SLC47A2: variants seen among roughly 807,000 people sequenced by gnomAD.
SLC47A2 encodes solute carrier family 47 member 2.
Under a neutral mutation model 67.7 loss-of-function variants are expected in SLC47A2, and 52 were observed. The ratio of observed to expected loss-of-function variants is 0.77; its 90% CI spans 0.61 to 0.97. The LOEUF (loss-of-function observed/expected upper bound fraction) is 0.97. SLC47A2 is among the 50% of genes least tolerant of loss of function. SLC47A2 has a pLI of 0.00. For missense variants in SLC47A2, 676 were observed against 712.3 expected (o/e 0.95, Z 0.58); for synonymous variants, 278 against 292.9 (o/e 0.95, Z 0.52).
At chr17:19,698,581 C>G (rs1347342300) in intron 13 of SLC47A2, among the ~76,000 whole-genome samples, 1 of 152,148 alleles carries the variant, frequency 6.6e-6, no homozygotes, top group Non-Finnish European at 1.5e-5. Context: ...GAACTCCTGA[C>G]CTCAAGTGAG....
chr17:19,693,364 A>AT (rs913493911), intron 13 of SLC47A2, among the ~76,000 whole-genome samples: 10 of 152,120 alleles, frequency 6.6e-5, no homozygotes, highest in African/African-American at 1.9e-4. Context: ...GAAAAAGGGC[A>AT]TTTAGGGAAA....
intron 13 of SLC47A2, among the ~76,000 whole-genome samples, chr17:19,701,852 C>G (rs111299371): frequency 0.018 from 2,704 of 152,272 alleles, 70 homozygotes; most frequent in African/African-American, 0.062. Flanking sequence ...GCCAGCCTTC[C>G]TCTGGCCCAG....
chr17:19,683,280 T>C (rs1198545878), intron 13 of SLC47A2, among the ~76,000 whole-genome samples: 1 of 152,178 alleles, frequency 6.6e-6, no homozygotes, highest in Admixed American at 6.5e-5. Context: ...AGACCAAGGA[T>C]GCTGCTAAAC....
intron 13 of SLC47A2, among the ~76,000 whole-genome samples, chr17:19,696,092 G>T (rs925718889): frequency 1.3e-5 from 2 of 151,894 alleles, no homozygotes; most frequent in Non-Finnish European, 2.9e-5. Context: ...GGCCTTTGCT[G>T]ATGATCAAGT....
At chr17:19,718,333 C>T (rs975982321), upstream of SLC47A2, 1 of 152,316 alleles carries the variant, frequency 6.6e-6, no homozygotes, top group Non-Finnish European at 1.5e-5. Flanking sequence ...AGGGAGCCCA[C>T]ACGTGGAGGT....
chr17:19,678,873 G>T lies in SLC47A2; in HGVS notation c.1514C>A (p.Thr505Lys). ...ATGSSPGITL[T>K]TYSRSECHVD... ...GTGGCACTCAGACCTTGAATACGTT[G>T]TCAAGGTAATGCCAGGGGAACTGCC... The change falls in exon 17 of 17, where the codon ACA (threonine) becomes AAA (lysine). Residue 505 changes from threonine to lysine, a missense_variant. Physicochemically the swap from Thr to Lys is moderately conservative, Grantham distance 78. Transcript: ENST00000433844. 1.3e-6 allele frequency: 2 copies of T among 1,596,130 alleles called. No homozygotes were observed. The highest frequency in any genetic ancestry group is 1.7e-6 in the Non-Finnish European group (2 of 1,170,298).
At position 19,703,064 on chromosome 17, in the gene SLC47A2, G is replaced by C. The variant is rs16960349; in HGVS notation, c.1094+28C>G. The C allele has an allele frequency of 3.5e-3, 5,668 of 1,604,252 alleles. 141 individuals are homozygous for C. The African/African-American group carries it at 0.063, about 18-fold the overall frequency. ...TGGGAACCACTTTGACATTTTCCAA[G>C]AGTCAGCACAGAAAACTGATTACCT... On this transcript the variant is annotated intron_variant, in intron 12 of 16. Coordinates refer to ENST00000433844, the MANE Select transcript of SLC47A2 (RefSeq NM_001099646.3).
In SLC47A2 at chr17:19,690,894, C is replaced by T. The variant is rs182749537; in HGVS notation, c.1165-9224G>A. Reference sequence around the variant, plus strand: ...CAGCACCTTGGGGGGTCGAGGTGGGCGGATCACCTGAGGTCGGGAGTTCTA... The same window carrying T: ...CAGCACCTTGGGGGGTCGAGGTGGGTGGATCACCTGAGGTCGGGAGTTCTA... On this transcript the variant is annotated intron_variant, in intron 13 of 16. Transcript: ENST00000433844. Among the ~76,000 whole-genome samples the T allele has an allele frequency of 5.3e-3, 813 of 151,966 alleles. 4 individuals carry two copies. The highest frequency in any genetic ancestry group is 0.017 in the Middle Eastern group (5 of 292).
Position 19,694,166 on chromosome 17 carries a change from G to C in SLC47A2, c.1164+8439C>G, listed in dbSNP as rs538697336. Among the ~76,000 whole-genome samples the C allele has an allele frequency of 6.6e-5, 10 of 152,200 alleles. No individual in the cohort carries two copies. In the South Asian group the frequency reaches 1.5e-3, roughly 22 times the overall value. ...GACATTCTGTGCCCATGGATTGGAG[G>C]CCTCAATATTGTTAAGATGACAGTT... is the stretch of plus-strand genomic sequence containing the variant. On this transcript the variant is annotated intron_variant, in intron 13 of 16. Coordinates refer to ENST00000433844, the MANE Select transcript of SLC47A2 (RefSeq NM_001099646.3).
At chr17:19,681,489 A>G (rs1404037697) in intron 14 of SLC47A2, 28 bp from the exon 15 acceptor site, 1 of 1,614,116 alleles carries the variant, frequency 6.2e-7, no homozygotes, top group African/African-American at 1.3e-5. Context: ...TGATGGGAAC[A>G]ATGTCCGACG....
intron 9 of SLC47A2, 117 bp downstream of exon 9, chr17:19,706,531 A>G (rs1043375970): frequency 5.3e-5 from 41 of 777,798 alleles, no homozygotes; most frequent in Non-Finnish European, 8.0e-5. Flanking sequence ...GGGGCTGGTG[A>G]GCTGCCATCC....
intron 13 of SLC47A2, among the ~76,000 whole-genome samples, chr17:19,693,056 G>A (rs538498567): frequency 2.4e-4 from 37 of 152,106 alleles, no homozygotes; most frequent in African/African-American, 8.7e-4. Flanking sequence ...GCTTGAACCC[G>A]GGAGGCAGAG....
intron 8 of SLC47A2, among the ~76,000 whole-genome samples, chr17:19,707,540 A>G (rs1200791960): frequency 6.6e-6 from 1 of 152,172 alleles, no homozygotes; most frequent in Non-Finnish European, 1.5e-5. Context: ...TGGACCCAGC[A>G]GGGCTCTGCA....
chr17:19,707,435 T>C (rs2085970796), intron 8 of SLC47A2, among the ~76,000 whole-genome samples: 2 of 152,212 alleles, frequency 1.3e-5, no homozygotes, highest in Admixed American at 1.3e-4. Context: ...CCCCACGCAC[T>C]GCTGACGCCT....
chr17:19,690,303 C>T (rs2085512229), intron 13 of SLC47A2, among the ~76,000 whole-genome samples: 1 of 152,146 alleles, frequency 6.6e-6, no homozygotes, highest in Non-Finnish European at 1.5e-5. Flanking sequence ...CTGAAGACCT[C>T]AAACCATGAA....
intron 5 of SLC47A2, among the ~76,000 whole-genome samples, chr17:19,711,645 C>G (rs1369508375): frequency 1.6e-4 from 21 of 129,424 alleles, no homozygotes. Flanking sequence ...CATGTTAATA[C>G]TATTTCTAAT....
chr17:19,700,763 C>CAA (rs67005913), intron 13 of SLC47A2, among the ~76,000 whole-genome samples: 1,305 of 86,384 alleles, frequency 0.015, 24 homozygotes, highest in African/African-American at 0.063. Flanking sequence ...AGACCTGTCT[C>CAA]AAAAAAAAAA....
In SLC47A2 at chr17:19,681,396, G is replaced by A. The variant is rs560066484; in HGVS notation, c.1363C>T (p.Arg455Trp). Residue 455 changes from arginine (R) to tryptophan (W), a missense_variant, in exon 15 of 17, where the codon CGG becomes TGG. By Grantham distance (101) the Arg-to-Trp change is moderately radical (BLOSUM62 -3). Transcript: ENST00000433844. ...ATAAFVAYTA[R>W]LDWKLAAEEA... Reference sequence around the variant, plus strand: ...TCTGCAGCAAGCTTCCAGTCCAGCCGGGCAGTATAAGCAACAAAGGCAGCA... The same window carrying A: ...TCTGCAGCAAGCTTCCAGTCCAGCCAGGCAGTATAAGCAACAAAGGCAGCA... The A allele has an allele frequency of 6.2e-6, 10 of 1,612,160 alleles. No individual in the cohort carries two copies. Among genetic ancestry groups the A allele is most frequent in the East Asian group, 2.2e-5 (1 of 44,806 alleles).
chr17:19,703,351 T>G (rs1379918390), intron 11 of SLC47A2, among the ~76,000 whole-genome samples, 184 bp from the exon 12 acceptor site: 1 of 152,176 alleles, frequency 6.6e-6, no homozygotes, highest in African/African-American at 2.4e-5. Context: ...GACAGTCTTG[T>G]AGGAAGGGCA....
Sources: allele counts gnomAD v4.1 joint callset (sites outside exome capture counted in the v4.1 genomes callset), GRCh38; gene constraint gnomAD v4.1.1; transcripts MANE v1.5; gene names NCBI Gene and HGNC (gene_info 2026-07-23, HGNC 2026-07-21).